Variants in PSMB8 observed in about 807,000 individuals in gnomAD.
PSMB8 encodes proteasome subunit beta type-8.
In PSMB8, 20 loss-of-function variants were observed where a neutral mutation model predicts 32.3. The observed-to-expected ratio is 0.62, with a 90% CI of 0.44 to 0.90. The LOEUF (loss-of-function observed/expected upper bound fraction) is 0.90, where lower values mean the gene tolerates loss of function less well. PSMB8 is among the 40% of genes least tolerant of loss of function. The pLI is 0.00. For synonymous variants in PSMB8, 131 were observed against 135.4 expected, an observed-to-expected ratio of 0.97 and a Z score of 0.23; for missense variants, 342 against 365.4, an observed-to-expected ratio of 0.94 and a Z score of 0.52.
In PSMB8 at chr6:32,842,209, C is replaced by T. The variant is rs1307542567; in HGVS notation, c.462G>A (p.Leu154=). The change falls in exon 4 of 6, where the codon CTG becomes CTA. Residue 154 remains leucine (L), a synonymous_variant. Transcript: ENST00000374882. The part of the protein sequence containing the change: ...ERISVSAASK[L]LSNMMCQYRG... Reference sequence around the variant, plus strand: ...GGTACTGGCACATCATGTTGGACAGCAGCTTGGAGGCTGCCGACACTGAAA... The same window carrying T: ...GGTACTGGCACATCATGTTGGACAGTAGCTTGGAGGCTGCCGACACTGAAA... 23 of 1,613,048 alleles carry T rather than the reference C, an allele frequency of 1.4e-5. No homozygotes were observed. Among genetic ancestry groups the T allele is most frequent in the Non-Finnish European group, 1.9e-5 (23 of 1,180,052 alleles).
intron 4 of PSMB8, 192 bp downstream of exon 4, chr6:32,841,942 G>T: frequency 9.7e-7 from 1 of 1,034,988 alleles, no homozygotes; most frequent in Non-Finnish European, 1.4e-6. Flanking sequence ...AAAGGGACAA[G>T]CTTACAAAAC....
rs577062676 is a variant in PSMB8, at chr6:32,842,810, G to A, written c.296-27C>T. 1.0e-4 allele frequency: 162 copies of A among 1,609,112 alleles called. 3 individuals carry two copies. The South Asian group carries it at 1.6e-3, about 16-fold the overall frequency. ...TGGAAGAAGATGGAGCTTTGGGAGA[G>A]AAGGGATGACCCCATAGATCCCCCA... On this transcript the variant is annotated intron_variant, in intron 2 of 5. Transcript: ENST00000374882.
At chr6:32,842,900 C>T (rs753092175) in intron 2 of PSMB8, 42 bp downstream of exon 2, 1 of 1,613,794 alleles carries the variant, frequency 6.2e-7, no homozygotes, top group Non-Finnish European at 8.5e-7. Flanking sequence ...GAAAGGAGAG[C>T]CCAGCTCCCC....
chr6:32,844,302 A>C, upstream of PSMB8: 1 of 1,613,834 alleles, frequency 6.2e-7, no homozygotes, highest in Non-Finnish European at 8.5e-7. Context: ...CATCCGCTGG[A>C]AACAGGGGTG....
chr6:32,844,013 G>A lies in PSMB8; in HGVS notation c.-17C>T, dbSNP rs1334358997. On this transcript the variant is annotated 5_prime_UTR_variant, in exon 1 of 6. Transcript: ENST00000374882. ...TAGCGCCATGACCGCCCAGCACCCA[G>A]AGATCTGTCCGCTCTCGGAGGAGGA... 6.2e-7 allele frequency: 1 copy of A among 1,609,160 alleles called. No individual in the cohort carries two copies. Among genetic ancestry groups the A allele is most frequent in the Non-Finnish European group, 8.5e-7 (1 of 1,177,578 alleles).
At chr6:32,842,595 A>G in intron 3 of PSMB8, 77 bp downstream of exon 3, 1 of 1,290,426 alleles carries the variant, frequency 7.7e-7, no homozygotes, top group Non-Finnish European at 1.1e-6. Flanking sequence ...ACATAGGACA[A>G]GAGTAAGGAG....
intron 1 of PSMB8, 60 bp from the exon 2 acceptor site, chr6:32,843,149 G>A: frequency 6.3e-7 from 1 of 1,592,694 alleles, no homozygotes; most frequent in South Asian, 1.1e-5. Flanking sequence ...GAGGCTCCAG[G>A]AAAAGGTTTT....
rs756030113 is a variant in PSMB8 at position 32,841,748 on chromosome 6, A to T, written c.538-13T>A. On this transcript the variant is annotated splice_polypyrimidine_tract_variant and intron_variant, in intron 4 of 5. Transcript: ENST00000374882. ...AGAGTCCAGGACCCTATAAGATGAA[A>T]GATTTCAGGCTGAAATTGGAGAGGA... 6.8e-6 allele frequency: 11 copies of T among 1,611,090 alleles called. No homozygotes were observed. Among genetic ancestry groups the T allele is most frequent in the Non-Finnish European group, 9.3e-6 (11 of 1,178,580 alleles).
chr6:32,844,668 A>C, upstream of PSMB8: 1 of 530,132 alleles, frequency 1.9e-6, no homozygotes. Flanking sequence ...TTGGCTGAGC[A>C]CTGCGGAGTT....
chr6:32,841,811 A>T, intron 4 of PSMB8, 76 bp from the exon 5 acceptor site: 1 of 1,333,444 alleles, frequency 7.5e-7, no homozygotes, highest in Non-Finnish European at 1.1e-6. Context: ...ATGAGACATA[A>T]AAAGTGAACA....
At chr6:32,844,387 A>G (rs761580439), upstream of PSMB8, 4 of 1,613,942 alleles carry the variant, frequency 2.5e-6, no homozygotes, top group East Asian at 8.9e-5. Flanking sequence ...GAGTAGTGTC[A>G]CGCGGGGTGG....
chr6:32,841,471 A>AC lies in PSMB8; in HGVS notation c.742+59dup, dbSNP rs1002655422. The AC allele has an allele frequency of 1.0e-3, 1,561 of 1,515,078 alleles. 5 individuals carry two copies. In the African/African-American group the frequency reaches 0.015, roughly 14 times the overall value. The allele number at this position is 1,515,078 out of a possible 1,614,324, so 93.9% of individuals were successfully genotyped here. A position where few individuals can be genotyped will look rare whatever the true frequency, so the allele number is the denominator to read the frequency against. ...CAGGCTGGTTTCTCAATCTTAAATCACCCCCCCCACCACCCGCCGACTCCT... is the reference window on the plus strand; with the variant it reads ...CAGGCTGGTTTCTCAATCTTAAATCACCCCCCCCCACCACCCGCCGACTCCT... On this transcript the variant is annotated intron_variant, in intron 5 of 5. Coordinates refer to ENST00000374882, the MANE Select transcript of PSMB8 (RefSeq NM_148919.4).
chr6:32,843,138 A>C, intron 1 of PSMB8, 49 bp from the exon 2 acceptor site: 1 of 1,604,546 alleles, frequency 6.2e-7, no homozygotes, highest in Non-Finnish European at 8.5e-7. Context: ...TTCTGTAGTA[A>C]GAGGCTCCAG....
At chr6:32,843,237 A>G in intron 1 of PSMB8, 148 bp from the exon 2 acceptor site, 1 of 930,288 alleles carries the variant, frequency 1.1e-6, no homozygotes, top group Non-Finnish European at 1.7e-6. Flanking sequence ...CAATCTCTAG[A>G]AGGAAATGGC....
Position 32,843,866 on chromosome 6 carries a change from A to G in PSMB8, c.131T>C (p.Leu44Ser). 1 of 1,612,834 alleles carries G rather than the reference A, an allele frequency of 6.2e-7. No homozygotes were observed. The highest frequency in any genetic ancestry group is 8.5e-7 in the Non-Finnish European group (1 of 1,179,998). ...TGCCCCGACCTGCATTCCCCGGGGTAAAGCGAGCTCTGGAGATCGCATAGA... is the reference window on the plus strand; with the variant it reads ...TGCCCCGACCTGCATTCCCCGGGGTGAAGCGAGCTCTGGAGATCGCATAGA... ...SFSMRSPELA[L>S]PRGMQPTEFF... The change falls in exon 1 of 6, where the codon TTA becomes TCA. Residue 44 changes from leucine to serine, a missense_variant. Physicochemically the swap from Leu to Ser is moderately radical, Grantham distance 145 (BLOSUM62 -2). Transcript: ENST00000374882.
rs754981723 is a variant in PSMB8 at position 32,842,260 on chromosome 6, C to T, written c.411G>A (p.Leu137=). 1 of 1,613,124 alleles carries T rather than the reference C, an allele frequency of 6.2e-7. No individual in the cohort carries two copies. The highest frequency in any genetic ancestry group is 2.2e-5 in the East Asian group (1 of 44,890). Residue 137 remains leucine, a synonymous_variant, in exon 4 of 6, where the codon CTG becomes CTA. Coordinates refer to ENST00000374882, the MANE Select transcript of PSMB8 (RefSeq NM_148919.4). The part of the protein sequence containing the change: ...WERLLAKECR[L]YYLRNGERIS... ...TACGTTCTCCATTTCGCAGATAGTA[C>T]AGCCTGGGTGAGGACAAGGTGGAGT...
intron 4 of PSMB8, 65 bp downstream of exon 4, chr6:32,842,069 T>A: frequency 6.2e-7 from 1 of 1,611,470 alleles, no homozygotes; most frequent in Non-Finnish European, 8.5e-7. Flanking sequence ...GAGTATATGA[T>A]GGGAAACAGA....
chr6:32,842,946 G>A lies in PSMB8; in HGVS notation c.291C>T (p.Tyr97=). The A allele has an allele frequency of 6.2e-7, 1 of 1,613,532 alleles. No individual in the cohort carries two copies. The highest frequency in any genetic ancestry group is 8.5e-7 in the Non-Finnish European group (1 of 1,180,052). ...AVDSRASAGS[Y]ISALRVNKVI... ...TGCTGGAGCGTATACACTCACTAATGTAGGACCCAGCTGAGGCCCGAGAAT... is the reference window on the plus strand; with the variant it reads ...TGCTGGAGCGTATACACTCACTAATATAGGACCCAGCTGAGGCCCGAGAAT... The change falls in exon 2 of 6, where the codon TAC becomes TAT. Residue 97 remains tyrosine (Y), a synonymous_variant. Coordinates refer to ENST00000374882, the MANE Select transcript of PSMB8 (RefSeq NM_148919.4).
chr6:32,841,029 T>C lies in PSMB8; in HGVS notation c.761A>G (p.Asp254Gly). 6.2e-7 allele frequency: 1 copy of C among 1,612,564 alleles called. No homozygotes were observed. Among genetic ancestry groups the C allele is most frequent in the Non-Finnish European group, 8.5e-7 (1 of 1,178,600 alleles). ...GVVNMYHMKEDGWVKVESTDV... is the reference protein window; with the variant it reads ...GVVNMYHMKEGGWVKVESTDV... ...TGTACTTTCTACTTTCACCCAACCA[T>C]CTTCCTTCATGTGGTACACTGTGGA... Residue 254 changes from aspartate to glycine, a missense_variant, in exon 6 of 6, where the codon GAT (aspartate) becomes GGT (glycine). Transcript: ENST00000374882.
Sources: gnomAD v4.1 joint callset for allele counts on GRCh38, gnomAD v4.1.1 for gene constraint, MANE v1.5 for transcripts, NCBI Gene and HGNC (gene_info 2026-07-23, HGNC 2026-07-21) for gene names.